TBC1D25: variants seen among roughly 807,000 people sequenced by gnomAD.
The protein encoded by TBC1D25 is TBC1 domain family member 25.
Under a neutral mutation model 38.8 loss-of-function variants are expected in TBC1D25, and 13 were observed. That is an observed-to-expected ratio of 0.34 (90% CI 0.22 to 0.53). TBC1D25 has a LOEUF of 0.53. TBC1D25 is among the 20% of genes least tolerant of loss of function. The probability of loss-of-function intolerance (pLI) is 0.94; values close to 1 mark genes in which losing one functional copy is unlikely to be tolerated. For synonymous variants in TBC1D25, 225 were observed against 255.6 expected (o/e 0.88, Z 1.14); for missense variants, 372 against 600.0 (o/e 0.62, Z 3.97).
chrX:48,558,105 C>T (rs1481701001), intron 3 of TBC1D25, among the ~76,000 whole-genome samples: 7 of 89,823 alleles, frequency 7.8e-5, no homozygotes, highest in Non-Finnish European at 1.4e-4. Flanking sequence ...AGTGAGACTC[C>T]GTCTCCAAAA....
At chrX:48,545,937 C>T (rs1260108561) in intron 3 of TBC1D25, among the ~76,000 whole-genome samples, 3 of 111,414 alleles carry the variant, frequency 2.7e-5, no homozygotes, top group African/African-American at 3.3e-5. Context: ...CCGCTGGGCA[C>T]GGTGGCTCAT....
intron 3 of TBC1D25, among the ~76,000 whole-genome samples, chrX:48,546,988 G>A (rs1556981995): frequency 8.9e-6 from 1 of 112,040 alleles, no homozygotes; most frequent in African/African-American, 3.2e-5. Context: ...TTTGGGATGA[G>A]TCGAGCACTT....
chrX:48,543,471 G>A (rs781955070), intron 2 of TBC1D25, among the ~76,000 whole-genome samples: 1,100 of 105,182 alleles, frequency 0.01, 19 homozygotes, highest in African/African-American at 0.036. Flanking sequence ...TCCTGACCTC[G>A]TGATCCACCC....
In TBC1D25 at chrX:48,539,843, C is replaced by G; in HGVS notation, c.46C>G (p.Pro16Ala). 1 of 969,756 alleles carries G rather than the reference C, an allele frequency of 1.0e-6. No homozygotes were observed. The highest frequency in any genetic ancestry group is 1.3e-6 in the Non-Finnish European group (1 of 770,131). 79.9% of individuals were successfully genotyped at this position (969,756 alleles called of 1,213,427 possible). ...CTCGGACTTGTCTGGCTCCGGAGCG[C>G]CCCCGCCCGGTGTGGGAGCTCAGGC... Reference protein sequence around the residue: ...GASDLSGSGAPPPGVGAQAAA... With the variant: ...GASDLSGSGAAPPGVGAQAAA... The change falls in exon 1 of 6, where the codon CCC (proline) becomes GCC (alanine). Residue 16 changes from proline (P) to alanine (A), a missense_variant. Physicochemically the swap from Pro to Ala is conservative, Grantham distance 27 (BLOSUM62 -1). Transcript: ENST00000376771.
chrX:48,555,096 G>T (rs1222231651), intron 3 of TBC1D25, among the ~76,000 whole-genome samples: 1 of 111,317 alleles, frequency 9.0e-6, no homozygotes, highest in East Asian at 2.8e-4. Context: ...CGTAGGACTT[G>T]GCGGTGGTTT....
intron 2 of TBC1D25, among the ~76,000 whole-genome samples, chrX:48,543,208 T>C (rs782655941): frequency 5.2e-4 from 58 of 110,546 alleles, no homozygotes; most frequent in African/African-American, 1.7e-3. Context: ...TTCCTAGCAG[T>C]GGTATTGCCA....
chrX:48,550,478 A>C (rs1008203222), intron 3 of TBC1D25, among the ~76,000 whole-genome samples: 1 of 108,857 alleles, frequency 9.2e-6, no homozygotes, highest in Non-Finnish European at 1.9e-5. Context: ...TTTGTGGTCA[A>C]ATTTTTTTTT....
chrX:48,547,707 C>T (rs1184727268), intron 3 of TBC1D25, among the ~76,000 whole-genome samples: 3 of 111,656 alleles, frequency 2.7e-5, no homozygotes, highest in African/African-American at 6.5e-5. Flanking sequence ...GAGGCCGAGG[C>T]GGGTGGATCA....
At chrX:48,543,122 C>T (rs782480070) in intron 2 of TBC1D25, among the ~76,000 whole-genome samples, 2 of 110,577 alleles carry the variant, frequency 1.8e-5, no homozygotes, top group Admixed American at 9.7e-5. Flanking sequence ...GGCATCCACT[C>T]GGGGGGGTCT....
chrX:48,549,980 T>G (rs1556982800), intron 3 of TBC1D25, among the ~76,000 whole-genome samples: 1 of 101,082 alleles, frequency 9.9e-6, no homozygotes, highest in Non-Finnish European at 2.1e-5. Context: ...CAGCATCATT[T>G]TTTTTAATTT....
In TBC1D25 at chrX:48,561,659, T is replaced by C. The variant is rs1396470563; in HGVS notation, c.*684T>C. 4 of 112,611 alleles carry C rather than the reference T, an allele frequency of 3.6e-5. No individual in the cohort carries two copies. The highest frequency in any genetic ancestry group is 1.3e-4 in the African/African-American group (4 of 31,038). The allele number at this position is 112,611 out of a possible 1,213,427, so 9.3% of individuals were successfully genotyped here. A position where few individuals can be genotyped will look rare whatever the true frequency, so the allele number is the denominator to read the frequency against. ...CTCTGTGAGGTTTATGCACCAATGC[T>C]GGCAGCCCTGGGCAGGGGCCTCGGC... On this transcript the variant is annotated 3_prime_UTR_variant, in exon 6 of 6. Coordinates refer to ENST00000376771, the MANE Select transcript of TBC1D25 (RefSeq NM_002536.4).
At chrX:48,552,524 T>G (rs951762580) in intron 3 of TBC1D25, among the ~76,000 whole-genome samples, 91 of 110,472 alleles carry the variant, frequency 8.2e-4, no homozygotes, top group African/African-American at 3.0e-3. Context: ...GCTAATTTTT[T>G]GTATTTTTAG....
chrX:48,556,746 CAAAAAAA>C (rs57538682), intron 3 of TBC1D25, among the ~76,000 whole-genome samples: 3 of 42,421 alleles, frequency 7.1e-5, no homozygotes, highest in African/African-American at 9.6e-5. Context: ...GACTCCGTCT[CAAAAAAA>C]AAAAAAAAAA....
chrX:48,557,506 G>C lies in TBC1D25; in HGVS notation c.389-1391G>C, dbSNP rs146393286. ...TAAAAATATAAAATTCACCAGGCAT[G>C]GTGGTACATGCTTGTACTCCCAGCT... On this transcript the variant is annotated intron_variant, in intron 3 of 5. Transcript: ENST00000376771. Among the ~76,000 whole-genome samples the C allele has an allele frequency of 1.7e-3, 190 of 110,477 alleles. 1 individual carries two copies. Among genetic ancestry groups the C allele is most frequent in the African/African-American group, 6.1e-3 (185 of 30,367 alleles).
chrX:48,559,512 G>A, intron 5 of TBC1D25, 102 bp from the exon 6 acceptor site: 1 of 1,109,652 alleles, frequency 9.0e-7, no homozygotes, highest in African/African-American at 1.8e-5. Context: ...AGACTTAGAA[G>A]GAAGACAGAG....
chrX:48,545,682 GTA>G (rs1448383080), intron 3 of TBC1D25, among the ~76,000 whole-genome samples: 1 of 112,146 alleles, frequency 8.9e-6, no homozygotes, highest in African/African-American at 3.2e-5. Context: ...TTAGATAATT[GTA>G]TCAGTATTAA....
chrX:48,557,820 A>T (rs2061988219), intron 3 of TBC1D25, among the ~76,000 whole-genome samples: 1 of 110,000 alleles, frequency 9.1e-6, no homozygotes, highest in African/African-American at 3.3e-5. Flanking sequence ...AAAAAAAAAG[A>T]AAAAAGAGGC....
chrX:48,556,561 G>A (rs868969035), intron 3 of TBC1D25, among the ~76,000 whole-genome samples: 2 of 109,712 alleles, frequency 1.8e-5, no homozygotes, highest in Non-Finnish European at 3.8e-5. Context: ...TTGGAGACCA[G>A]CCTGGCAAAC....
chrX:48,539,754 G>C lies in TBC1D25; in HGVS notation c.-44G>C, dbSNP rs1226247555. ...AGTACAGTAGAGTGTGCGCCGGGGT[G>C]GGGGGCAACGGTCAGCCGTCACCCT... On this transcript the variant is annotated 5_prime_UTR_variant, in exon 1 of 6. Transcript: ENST00000376771. The C allele has an allele frequency of 4.2e-6, 4 of 944,732 alleles. No individual in the cohort carries two copies. The highest frequency in any genetic ancestry group is 4.2e-5 in the East Asian group (1 of 23,891). The allele number at this position is 944,732 out of a possible 1,213,427, so 77.9% of individuals were successfully genotyped here.
Sources: allele counts gnomAD v4.1 joint callset (sites outside exome capture counted in the v4.1 genomes callset), GRCh38; gene constraint gnomAD v4.1.1; transcripts MANE v1.5; gene names NCBI Gene and HGNC (gene_info 2026-07-23, HGNC 2026-07-21).